The following SPOCK3 variants were observed in gnomAD, a reference collection of about 807,000 sequenced individuals.
The protein encoded by SPOCK3 is testican-3.
Under a neutral mutation model 56.6 loss-of-function variants are expected in SPOCK3, and 30 were observed. The ratio of observed to expected loss-of-function variants is 0.53; its 90% CI spans 0.40 to 0.72. SPOCK3 has a LOEUF of 0.72. SPOCK3 is among the 30% of genes least tolerant of loss of function. The probability of loss-of-function intolerance (pLI) is 0.00; values close to 1 mark genes in which losing one functional copy is unlikely to be tolerated. For missense variants in SPOCK3, 527 were observed against 530.0 expected (o/e 0.99, Z 0.06); for synonymous variants, 196 against 183.3 (o/e 1.07, Z -0.56).
intron 3 of SPOCK3, chr4:167,011,209 G>A (rs930365250): frequency 1.8e-5 from 8 of 443,200 alleles, no homozygotes; most frequent in Admixed American, 7.4e-5. Context: ...AAAAAAATGC[G>A]GGAAAAGCTT....
chr4:166,765,089 G>T (rs1382336341), intron 7 of SPOCK3, among the ~76,000 whole-genome samples: 3 of 152,032 alleles, frequency 2.0e-5, no homozygotes, highest in Non-Finnish European at 4.4e-5. Context: ...CTGGATATTA[G>T]CCCTTTGTCA....
At chr4:167,108,380 A>T (rs1342476677) in intron 2 of SPOCK3, among the ~76,000 whole-genome samples, 4 of 151,980 alleles carry the variant, frequency 2.6e-5, no homozygotes, top group Non-Finnish European at 5.9e-5. Flanking sequence ...CACTATTCAC[A>T]ATCGCCAACA....
intron 3 of SPOCK3, among the ~76,000 whole-genome samples, chr4:167,050,689 A>C (rs1754119490): frequency 6.6e-6 from 1 of 152,228 alleles, no homozygotes; most frequent in African/African-American, 2.4e-5. Context: ...TGTGGGATAT[A>C]CATACAATAA....
At chr4:166,987,757 G>C (rs186501246) in intron 4 of SPOCK3, among the ~76,000 whole-genome samples, 1 of 152,278 alleles carries the variant, frequency 6.6e-6, no homozygotes, top group Admixed American at 6.5e-5. Flanking sequence ...TCACAAGTTA[G>C]AGCAGGTAAA....
intron 2 of SPOCK3, among the ~76,000 whole-genome samples, chr4:167,112,238 A>T (rs1760965138): frequency 6.6e-6 from 1 of 152,148 alleles, no homozygotes; most frequent in South Asian, 2.1e-4. Flanking sequence ...AGTGTCTTTC[A>T]CAGAGGATAG....
intron 6 of SPOCK3, among the ~76,000 whole-genome samples, chr4:166,884,450 C>A (rs995754247): frequency 6.6e-6 from 1 of 151,614 alleles, no homozygotes; most frequent in African/African-American, 2.4e-5. Context: ...TCTCAATGTA[C>A]AAATATTTTG....
At chr4:167,077,646 A>G (rs1757318521) in intron 2 of SPOCK3, among the ~76,000 whole-genome samples, 1 of 151,980 alleles carries the variant, frequency 6.6e-6, no homozygotes, top group Non-Finnish European at 1.5e-5. Context: ...GCCCAATACT[A>G]ATATTTAACA....
chr4:167,181,485 T>C (rs1452716918), intron 2 of SPOCK3, among the ~76,000 whole-genome samples: 2 of 152,224 alleles, frequency 1.3e-5, no homozygotes, highest in Non-Finnish European at 2.9e-5. Flanking sequence ...TTTAAAACCT[T>C]CCAATAACTC....
At chr4:167,224,017 A>T (rs1190725782) in intron 2 of SPOCK3, among the ~76,000 whole-genome samples, 1 of 152,100 alleles carries the variant, frequency 6.6e-6, no homozygotes, top group African/African-American at 2.4e-5. Context: ...TTCATATATA[A>T]AATACAGACT....
At chr4:167,044,063 A>G (rs928159516) in intron 3 of SPOCK3, among the ~76,000 whole-genome samples, 4 of 151,986 alleles carry the variant, frequency 2.6e-5, no homozygotes, top group African/African-American at 9.7e-5. Flanking sequence ...AGTATATCCA[A>G]CTGAGTTTCA....
At chr4:166,890,325 C>A (rs1734639947) in intron 5 of SPOCK3, among the ~76,000 whole-genome samples, 2 of 151,848 alleles carry the variant, frequency 1.3e-5, no homozygotes, top group Admixed American at 1.3e-4. Flanking sequence ...GGGCTAGTTG[C>A]TCAAATGCTC....
rs572597645 is a variant in SPOCK3 at position 166,808,057 on chromosome 4, G to T, written c.590-15768C>A. Among the ~76,000 whole-genome samples the T allele has an allele frequency of 8.9e-4, 135 of 152,158 alleles. 2 individuals carry two copies. Among genetic ancestry groups the T allele is most frequent in the African/African-American group, 3.1e-3 (129 of 41,526 alleles). On this transcript the variant is annotated intron_variant, in intron 6 of 10. Transcript: ENST00000357545. ...CCAGAGTAGATTTTACCTTAACAGG[G>T]ACTCAAGCTATATTTGAAACACAGA...
At chr4:167,125,994 A>C (rs1217434362) in intron 2 of SPOCK3, among the ~76,000 whole-genome samples, 1 of 152,176 alleles carries the variant, frequency 6.6e-6, no homozygotes, top group Non-Finnish European at 1.5e-5. Context: ...TACACACTTT[A>C]TTTTTACTCA....
At chr4:166,826,508 C>CA (rs1294134996) in intron 6 of SPOCK3, among the ~76,000 whole-genome samples, 1 of 152,040 alleles carries the variant, frequency 6.6e-6, no homozygotes, top group Non-Finnish European at 1.5e-5. Context: ...AGAGAATGGC[C>CA]AAACTAGTTG....
At chr4:167,120,598 A>G (rs528033434) in intron 2 of SPOCK3, among the ~76,000 whole-genome samples, 1 of 152,160 alleles carries the variant, frequency 6.6e-6, no homozygotes, top group South Asian at 2.1e-4. Context: ...GTTAGCATAC[A>G]TTGTCAAGAA....
chr4:166,743,808 C>T (rs529063911), intron 8 of SPOCK3, among the ~76,000 whole-genome samples: 1 of 152,330 alleles, frequency 6.6e-6, no homozygotes, highest in South Asian at 2.1e-4. Flanking sequence ...GAGACTATAT[C>T]CTGCGCCTGG....
At chr4:166,981,422 C>T (rs1593770) in intron 4 of SPOCK3, among the ~76,000 whole-genome samples, 16,551 of 145,598 alleles carry the variant, frequency 0.11, 1,142 homozygotes, top group Middle Eastern at 0.26. Flanking sequence ...AGAGGGTAGG[C>T]GACCTGGAGT....
chr4:167,028,821 A>G (rs34659707), intron 3 of SPOCK3, among the ~76,000 whole-genome samples: 4,272 of 152,164 alleles, frequency 0.028, 88 homozygotes, highest in Middle Eastern at 0.061. Flanking sequence ...AACATATCAC[A>G]CTTCATAAAC....
At chr4:166,816,624 T>C (rs1744412507) in intron 6 of SPOCK3, among the ~76,000 whole-genome samples, 1 of 152,052 alleles carries the variant, frequency 6.6e-6, no homozygotes, top group Non-Finnish European at 1.5e-5. Flanking sequence ...TATATACAAG[T>C]CAAACACTTT....
Sources: gnomAD v4.1 joint callset for allele counts (sites outside exome capture counted in the v4.1 genomes callset) on GRCh38, gnomAD v4.1.1 for gene constraint, MANE v1.5 for transcripts, NCBI Gene and HGNC (gene_info 2026-07-23, HGNC 2026-07-21) for gene names.